The following USP11 variants were observed in gnomAD, a reference collection of about 807,000 sequenced individuals.
The protein encoded by USP11 is ubiquitin carboxyl-terminal hydrolase 11.
USP11 carries 5 observed loss-of-function variants against 72.8 expected under a neutral mutation model. The ratio of observed to expected loss-of-function variants is 0.07; its 90% CI spans 0.04 to 0.14. The LOEUF (loss-of-function observed/expected upper bound fraction) is 0.14, where lower values mean the gene tolerates loss of function less well. Among genes scored for constraint, USP11 ranks in the 10% least tolerant of loss-of-function variants. The pLI is 1.00. For missense variants in USP11, 480 were observed against 794.7 expected, an observed-to-expected ratio of 0.60 and a Z score of 4.76; for synonymous variants, 368 against 326.5, an observed-to-expected ratio of 1.13 and a Z score of -1.37.
intron 1 of USP11, among the ~76,000 whole-genome samples, chrX:47,235,616 C>T (rs1191454999): frequency 2.7e-5 from 3 of 109,772 alleles, no homozygotes; most frequent in Non-Finnish European, 5.7e-5. Flanking sequence ...GCACTCCCTC[C>T]CTGTCTCCAT....
In USP11 at chrX:47,233,042, C is replaced by A. The variant is rs868143684; in HGVS notation, c.-2C>A. ...GTTGGCTGTAGAAGAGAACGGACGG[C>A]GATGGCGACGGTCGCAGCAAATCCA... On this transcript the variant is annotated 5_prime_UTR_variant, in exon 1 of 21. Transcript: ENST00000377107. 1 of 1,209,467 alleles carries A rather than the reference C, an allele frequency of 8.3e-7. No individual in the cohort carries two copies. The highest frequency in any genetic ancestry group is 1.7e-5 in the African/African-American group (1 of 57,266).
intron 13 of USP11, 51 bp from the exon 14 acceptor site, chrX:47,244,447 A>G (rs751684146): frequency 5.9e-6 from 7 of 1,184,730 alleles, no homozygotes; most frequent in Admixed American, 4.6e-5. Context: ...CCCGGGCTCT[A>G]TCCCCACTGT....
At chrX:47,242,806 C>T (rs922811905) in intron 12 of USP11, 86 bp downstream of exon 12, 22 of 735,864 alleles carry the variant, frequency 3.0e-5, no homozygotes, top group Non-Finnish European at 4.4e-5. Context: ...CACCTTCTCT[C>T]TTCCCTGCCT....
rs2055389362 is a variant in USP11 at position 47,239,112 on chromosome X, C to T, written c.219C>T (p.Tyr73=). ...EKHWYKQWEA[Y]VQGGDQDSST... ...ACTGGTATAAGCAGTGGGAGGCATA[C>T]GTGCAGGGAGGGGACCAGGACTCCA... Residue 73 remains tyrosine, a synonymous_variant, in exon 2 of 21, where the codon TAC becomes TAT. Transcript: ENST00000377107. 1 of 1,210,373 alleles carries T rather than the reference C, an allele frequency of 8.3e-7. No individual in the cohort carries two copies. Among genetic ancestry groups the T allele is most frequent in the Admixed American group, 2.2e-5 (1 of 45,906 alleles).
intron 12 of USP11, 66 bp downstream of exon 12, chrX:47,242,786 C>T (rs2055410136): frequency 1.1e-5 from 9 of 849,732 alleles, no homozygotes; most frequent in South Asian, 4.2e-5. Context: ...TTGTATGGTC[C>T]TGCCTTAACC....
Position 47,244,906 on chromosome X carries a change from T to G in USP11, c.2068T>G (p.Ser690Ala). 1 of 1,211,113 alleles carries G rather than the reference T, an allele frequency of 8.3e-7. No homozygotes were observed. The highest frequency in any genetic ancestry group is 1.7e-5 in the African/African-American group (1 of 57,576). Reference sequence around the variant, plus strand: ...CAATGGGACCAGCGACCGCACAACCTCCCCTGAAGAAGTCCATGGTATTTC... The same window carrying G: ...CAATGGGACCAGCGACCGCACAACCGCCCCTGAAGAAGTCCATGGTATTTC... ...NSNGTSDRTTSPEEVHAQPYI... is the reference protein window; with the variant it reads ...NSNGTSDRTTAPEEVHAQPYI... Residue 690 changes from serine to alanine, a missense_variant, in exon 15 of 21, where the codon TCC becomes GCC. Around this residue, in one of 5 missense-constraint regions of USP11, gnomAD observed 314 missense variants for 556.0 expected, o/e 0.56. Transcript: ENST00000377107.
chrX:47,239,119 G>C lies in USP11; in HGVS notation c.226G>C (p.Gly76Arg), dbSNP rs1213029108. The change falls in exon 2 of 21, where the codon GGA becomes CGA. Residue 76 changes from glycine to arginine, a missense_variant. Around this residue, in one of 5 missense-constraint regions of USP11, gnomAD observed 71 missense variants for 71.4 expected, o/e 0.99. Coordinates refer to ENST00000377107, the MANE Select transcript of USP11 (RefSeq NM_001371072.1). ...TAAGCAGTGGGAGGCATACGTGCAG[G>C]GAGGGGACCAGGACTCCAGCACCTT... ...WYKQWEAYVQ[G>R]GDQDSSTFPG... 4.1e-6 allele frequency: 5 copies of C among 1,208,671 alleles called. No individual in the cohort carries two copies. The highest frequency in any genetic ancestry group is 1.8e-5 in the African/African-American group (1 of 57,009).
At position 47,247,929 on chromosome X, in the gene USP11, G is replaced by A. The variant is rs780107781; in HGVS notation, c.2762G>A (p.Ter921=). 2.6e-5 allele frequency: 30 copies of A among 1,172,252 alleles called. No homozygotes were observed. Among genetic ancestry groups the A allele is most frequent in the Non-Finnish European group, 3.4e-5 (30 of 882,311 alleles). The part of the protein sequence containing the change: ...PPSSEFMDVN[*] ...AGCTCTGAGTTCATGGATGTTAATT[G>A]AGAGCCCTGGGTCCTGCCACAGAAA... Residue 921 remains the stop codon, a stop_retained_variant, in exon 21 of 21, where the codon TGA becomes TAA. Transcript: ENST00000377107.
In USP11 at chrX:47,248,177, T is replaced by C; in HGVS notation, c.*247T>C. ...CAGCAGTGACCCTCCCTTCTAGTCT[T>C]TATTTATGGTCGTGCCCTTCCCTCT... On this transcript the variant is annotated 3_prime_UTR_variant, in exon 21 of 21. Coordinates refer to ENST00000377107, the MANE Select transcript of USP11 (RefSeq NM_001371072.1). 2.5e-6 allele frequency: 1 copy of C among 400,546 alleles called. No individual in the cohort carries two copies. Among genetic ancestry groups the C allele is most frequent in the Non-Finnish European group, 4.2e-6 (1 of 239,267 alleles). 33.0% of individuals were successfully genotyped at this position (400,546 alleles called of 1,213,427 possible).
intron 1 of USP11, among the ~76,000 whole-genome samples, chrX:47,236,867 T>C (rs2055374651): frequency 8.9e-6 from 1 of 112,300 alleles, no homozygotes; most frequent in Non-Finnish European, 1.9e-5. Flanking sequence ...GTGTTATTGA[T>C]ACAGACCATG....
intron 7 of USP11, 37 bp from the exon 8 acceptor site, chrX:47,241,240 C>T: frequency 8.6e-7 from 1 of 1,164,215 alleles, no homozygotes; most frequent in Non-Finnish European, 1.1e-6. Context: ...CTTCTGTCTC[C>T]CCTCTGCCTC....
chrX:47,239,325 C>CT lies in USP11; in HGVS notation c.287-25dup, dbSNP rs748761680. On this transcript the variant is annotated intron_variant, in intron 2 of 20. Transcript: ENST00000377107. ...TCAGTTTCCTTTGTTGATTCTTCCT[C>CT]TGCCACCTCCACCCCCGCCCCACAG... is the stretch of plus-strand genomic sequence containing the variant. The CT allele has an allele frequency of 2.3e-5, 28 of 1,204,738 alleles. No homozygotes were observed. In the African/African-American group the frequency reaches 4.2e-4, roughly 18 times the overall value.
chrX:47,242,413 T>C (rs1424587669), intron 10 of USP11, 26 bp from the exon 11 acceptor site: 1 of 1,211,545 alleles, frequency 8.3e-7, no homozygotes, highest in Non-Finnish European at 1.1e-6. Flanking sequence ...CCTTTTGGTC[T>C]TTTGTGGATA....
At chrX:47,243,287 A>AT (rs2055413632) in intron 12 of USP11, 109 bp from the exon 13 acceptor site, 1 of 725,451 alleles carries the variant, frequency 1.4e-6, no homozygotes, top group African/African-American at 2.2e-5. Flanking sequence ...AAATAAATAA[A>AT]AATAAAAATG....
chrX:47,241,689 G>A lies in USP11; in HGVS notation c.1169G>A (p.Arg390Gln), dbSNP rs2055403952. The A allele has an allele frequency of 2.5e-6, 3 of 1,189,631 alleles. No homozygotes were observed. The highest frequency in any genetic ancestry group is 1.8e-5 in the African/African-American group (1 of 56,530). Reference protein sequence around the residue: ...EYVELCDAAGRPDQEVAQEAW... With the variant: ...EYVELCDAAGQPDQEVAQEAW... ...GTGGAGCTGTGCGATGCTGCTGGGC[G>A]ACCGGATCAGGTAGGCTGCCCCCGC... Residue 390 changes from arginine to glutamine, a missense_variant, in exon 9 of 21, where the codon CGA becomes CAA. By Grantham distance (43) the Arg-to-Gln change is conservative (BLOSUM62 1). Around this residue, in one of 5 missense-constraint regions of USP11, gnomAD observed 314 missense variants for 556.0 expected, o/e 0.56. Transcript: ENST00000377107.
At chrX:47,243,632 G>A (rs745589646) in intron 13 of USP11, 30 bp downstream of exon 13, 2 of 1,195,744 alleles carry the variant, frequency 1.7e-6, no homozygotes, top group Admixed American at 2.2e-5. Context: ...GGGGTGGGGG[G>A]CGGAGGGGTC....
intron 19 of USP11, 66 bp from the exon 20 acceptor site, chrX:47,247,545 A>G: frequency 8.7e-7 from 1 of 1,148,616 alleles, no homozygotes; most frequent in Non-Finnish European, 1.2e-6. Context: ...AGGAGTGACA[A>G]GAGTGAATCT....
chrX:47,247,299 C>T lies in USP11; in HGVS notation c.2421-5C>T, dbSNP rs757770190. ...TACCAGTATTAACCCTCTCCCCACC[C>T]ACAGGGACCTGGACTTCTCTGAGTT... On this transcript the variant is annotated splice_region_variant and splice_polypyrimidine_tract_variant and intron_variant, in intron 18 of 20. Transcript: ENST00000377107. The T allele has an allele frequency of 1.7e-6, 2 of 1,209,613 alleles. No homozygotes were observed. The highest frequency in any genetic ancestry group is 1.8e-5 in the African/African-American group (1 of 57,113).
intron 17 of USP11, among the ~76,000 whole-genome samples, chrX:47,246,700 C>G (rs1425395719): frequency 1.8e-5 from 2 of 110,073 alleles, no homozygotes; most frequent in Non-Finnish European, 3.8e-5. Flanking sequence ...AGAGGCAGTA[C>G]AAAGGGCGCA....
Sources: gnomAD v4.1 joint callset for allele counts (sites outside exome capture counted in the v4.1 genomes callset) on GRCh38, gnomAD v4.1.1 for gene constraint, gnomAD v4.1.1 regional missense constraint, MANE v1.5 for transcripts, NCBI Gene and HGNC (gene_info 2026-07-23, HGNC 2026-07-21) for gene names.